CNOT6: variants seen among roughly 807,000 people sequenced by gnomAD.
CNOT6 encodes the protein carbon catabolite repression 4 protein.
Under a neutral mutation model 61.2 loss-of-function variants are expected in CNOT6, and 12 were observed. The ratio of observed to expected loss-of-function variants is 0.20; its 90% CI spans 0.13 to 0.32. CNOT6 has a LOEUF of 0.32. Among genes scored for constraint, CNOT6 ranks in the 10% least tolerant of loss-of-function variants. The pLI is 1.00. For synonymous variants in CNOT6, 225 were observed against 240.6 expected (o/e 0.94, Z 0.60); for missense variants, 405 against 663.9 (o/e 0.61, Z 4.28).
chr5:180,509,493 G>A lies in CNOT6; in HGVS notation c.-3+14730G>A, dbSNP rs1278373062. The stretch of plus-strand genomic sequence containing the variant: ...AGTTTTGCTCTTGTTGCCCAGGCTA[G>A]AGTGCAATGGCGGATTCTCGTCTCA... On this transcript the variant is annotated intron_variant, in intron 1 of 11. Transcript: ENST00000261951. Among the ~76,000 whole-genome samples the A allele has an allele frequency of 3.9e-5, 6 of 151,968 alleles. No individual in the cohort carries two copies. In the East Asian group the frequency reaches 9.6e-4, roughly 24 times the overall value.
rs1359481848 is a variant in CNOT6, at chr5:180,574,130, T to A, written c.1604T>A (p.Phe535Tyr). The A allele has an allele frequency of 6.2e-7, 1 of 1,614,020 alleles. No homozygotes were observed. The highest frequency in any genetic ancestry group is 1.3e-5 in the African/African-American group (1 of 74,896). Reference sequence around the variant, plus strand: ...ATCCCCTCTGACCACTTCTCACTTTTTGCACAACTGGAGCTCTTACTGCCT... The same window carrying A: ...ATCCCCTCTGACCACTTCTCACTTTATGCACAACTGGAGCTCTTACTGCCT... ...PLIPSDHFSL[F>Y]AQLELLLPFL... Residue 535 changes from phenylalanine (F) to tyrosine (Y), a missense_variant, in exon 12 of 12, where the codon TTT (phenylalanine) becomes TAT (tyrosine). By Grantham distance (22) the Phe-to-Tyr change is conservative (BLOSUM62 3). Transcript: ENST00000261951.
chr5:180,571,929 A>C (rs999915902), intron 11 of CNOT6, among the ~76,000 whole-genome samples: 6 of 150,518 alleles, frequency 4.0e-5, no homozygotes, highest in African/African-American at 1.5e-4. Flanking sequence ...TACTTTGTAG[A>C]TATTTATTCT....
chr5:180,504,955 A>ATTTTTTTTTTTTTTT (rs769852255), intron 1 of CNOT6, among the ~76,000 whole-genome samples: 1 of 101,492 alleles, frequency 9.9e-6, no homozygotes, highest in African/African-American at 3.9e-5. Flanking sequence ...GTACTAGTTA[A>ATTTTTTTTTTTTTTT]TTTTTTTTTT....
chr5:180,552,587 A>G (rs1308910370), intron 3 of CNOT6, among the ~76,000 whole-genome samples: 2 of 151,284 alleles, frequency 1.3e-5, no homozygotes, highest in Non-Finnish European at 2.9e-5. Flanking sequence ...CGGAGCTTGC[A>G]GTGAGCCGAG....
intron 1 of CNOT6, among the ~76,000 whole-genome samples, chr5:180,504,573 A>C (rs955130767): frequency 1.3e-5 from 2 of 152,232 alleles, no homozygotes; most frequent in African/African-American, 4.8e-5. Context: ...GTTGGCATAA[A>C]TATTAAGGTG....
chr5:180,558,376 G>A (rs1194851391), intron 4 of CNOT6, among the ~76,000 whole-genome samples: 1 of 152,188 alleles, frequency 6.6e-6, no homozygotes, highest in Non-Finnish European at 1.5e-5. Context: ...CCTGTGGAGA[G>A]TGAGACCTTG....
At chr5:180,541,095 A>C (rs1043589793) in intron 2 of CNOT6, among the ~76,000 whole-genome samples, 4 of 151,482 alleles carry the variant, frequency 2.6e-5, no homozygotes, top group African/African-American at 9.7e-5. Flanking sequence ...GACAGTTCAT[A>C]TGTTTCGGTA....
intron 3 of CNOT6, among the ~76,000 whole-genome samples, chr5:180,552,013 C>T (rs900496641): frequency 6.6e-5 from 10 of 151,712 alleles, no homozygotes; most frequent in African/African-American, 2.4e-4. Flanking sequence ...GGATTACAAG[C>T]GTGTGCCACC....
At chr5:180,567,269 A>T in intron 8 of CNOT6, 27 bp downstream of exon 8, 1 of 1,588,648 alleles carries the variant, frequency 6.3e-7, no homozygotes, top group Non-Finnish European at 8.5e-7. Context: ...TTTAAAAAGA[A>T]CGTTTTCTCA....
intron 4 of CNOT6, among the ~76,000 whole-genome samples, chr5:180,561,168 G>T (rs1225698966): frequency 6.6e-6 from 1 of 152,078 alleles, no homozygotes; most frequent in East Asian, 1.9e-4. Flanking sequence ...AACAAAGCTG[G>T]TCTCGAACTC....
intron 2 of CNOT6, among the ~76,000 whole-genome samples, chr5:180,549,270 G>C (rs1759466481): frequency 6.6e-6 from 1 of 152,138 alleles, no homozygotes; most frequent in African/African-American, 2.4e-5. Context: ...TTTTGCATAA[G>C]TCCAAACCAG....
chr5:180,524,608 G>C (rs1172014410), intron 1 of CNOT6, among the ~76,000 whole-genome samples: 1 of 152,108 alleles, frequency 6.6e-6, no homozygotes, highest in Non-Finnish European at 1.5e-5. Context: ...TGGCTGCCTA[G>C]GTGGAAATCA....
chr5:180,538,634 G>A (rs1401381447), intron 2 of CNOT6, among the ~76,000 whole-genome samples: 1 of 148,732 alleles, frequency 6.7e-6, no homozygotes, highest in Non-Finnish European at 1.5e-5. Flanking sequence ...GTTGCAGTAA[G>A]CCAAGATTAC....
chr5:180,515,564 A>T (rs1256260689), intron 1 of CNOT6, among the ~76,000 whole-genome samples: 2 of 152,152 alleles, frequency 1.3e-5, no homozygotes, highest in Non-Finnish European at 2.9e-5. Context: ...CATATGAGGA[A>T]GGTAATCGAT....
intron 2 of CNOT6, among the ~76,000 whole-genome samples, chr5:180,538,431 A>G (rs1408893391): frequency 3.3e-5 from 5 of 150,580 alleles, no homozygotes; most frequent in Non-Finnish European, 7.4e-5. Context: ...CACGCCTGTA[A>G]TCCTAGCACT....
intron 2 of CNOT6, among the ~76,000 whole-genome samples, chr5:180,532,582 T>G (rs898332065): frequency 2.6e-5 from 4 of 152,186 alleles, no homozygotes; most frequent in Non-Finnish European, 5.9e-5. Context: ...TGTGGGTTTC[T>G]TTTCCCCACA....
intron 4 of CNOT6, among the ~76,000 whole-genome samples, 183 bp downstream of exon 4, chr5:180,553,654 T>C (rs1446275923): frequency 1.3e-5 from 2 of 151,912 alleles, no homozygotes; most frequent in Non-Finnish European, 2.9e-5. Context: ...CTACTAGTCT[T>C]TGTTTTCTTT....
chr5:180,512,184 T>G (rs936749960), intron 1 of CNOT6, among the ~76,000 whole-genome samples: 1 of 152,258 alleles, frequency 6.6e-6, no homozygotes, highest in Non-Finnish European at 1.5e-5. Flanking sequence ...TTGTTTAGTC[T>G]TGCTTTGTGT....
intron 4 of CNOT6, among the ~76,000 whole-genome samples, chr5:180,558,621 C>CTCT (rs766622735): frequency 2.3e-4 from 20 of 85,602 alleles, no homozygotes; most frequent in African/African-American, 4.3e-4. Flanking sequence ...CTTGTGTTTG[C>CTCT]TTTTTTTTTT....
Sources: gnomAD v4.1 joint callset for allele counts (sites outside exome capture counted in the v4.1 genomes callset) on GRCh38, gnomAD v4.1.1 for gene constraint, MANE v1.5 for transcripts, NCBI Gene and HGNC (gene_info 2026-07-23, HGNC 2026-07-21) for gene names.